Variants in KIR3DL1 observed in about 807,000 individuals in gnomAD.
KIR3DL1 encodes the protein killer cell immunoglobulin-like receptor 3DL1.
A neutral mutation model predicts 40.3 loss-of-function variants in KIR3DL1; 50 were observed. That is an observed-to-expected ratio of 1.24 (90% confidence interval 0.99 to 1.57). KIR3DL1 has a LOEUF of 1.57. Among genes scored for constraint, KIR3DL1 ranks in the 40% most tolerant of loss-of-function variants. The probability of loss-of-function intolerance (pLI) is 0.00; values close to 1 mark genes in which losing one functional copy is unlikely to be tolerated. For synonymous variants in KIR3DL1, 257 were observed against 207.2 expected (o/e 1.24, Z -2.07); for missense variants, 661 against 559.9 (o/e 1.18, Z -1.82).
At chr19:54,821,315 A>G (rs2061621243) in intron 4 of KIR3DL1, among the ~76,000 whole-genome samples, 1 of 151,128 alleles carries the variant, frequency 6.6e-6, no homozygotes, top group East Asian at 1.9e-4. Flanking sequence ...AACCAATCCA[A>G]GGAGGGTCAG....
chr19:54,821,110 T>C (rs1000267190), intron 4 of KIR3DL1, among the ~76,000 whole-genome samples: 2 of 149,900 alleles, frequency 1.3e-5, no homozygotes, highest in African/African-American at 4.9e-5. Context: ...ATGATACATA[T>C]ATAGATAATA....
rs771195198 is a variant in KIR3DL1, at chr19:54,821,700, G to C, written c.791G>C (p.Arg264Pro). Reference sequence around the variant, plus strand: ...TCCAGGGAGGGGGGAGCCCATGAACGTAGGCTCCCTGCAGTGCGCAAGGTC... The same window carrying C: ...TCCAGGGAGGGGGGAGCCCATGAACCTAGGCTCCCTGCAGTGCGCAAGGTC... The change falls in exon 5 of 9, where the codon CGT becomes CCT. Residue 264 changes from arginine to proline, a missense_variant. Physicochemically the swap from Arg to Pro is moderately radical, Grantham distance 103. This residue lies in a region of KIR3DL1 where 548 missense variants were observed against 413.3 expected (regional missense o/e 1.33). Transcript: ENST00000391728. The C allele has an allele frequency of 4.3e-6, 7 of 1,609,198 alleles. No individual in the cohort carries two copies. The highest frequency in any genetic ancestry group is 3.3e-5 in the Admixed American group (2 of 59,820).
At chr19:54,830,293 T>C (rs1291232030) in exon 9 of KIR3DL1, 1 of 1,520,928 alleles carries the variant, frequency 6.6e-7, no homozygotes, top group Non-Finnish European at 8.9e-7. Flanking sequence ...AGTCAGGCCT[T>C]GAGGACGTCT....
At chr19:54,829,870 T>G (rs5020578) in intron 7 of KIR3DL1, 58 bp from the exon 8 acceptor site, 63,754 of 1,459,804 alleles carry the variant, frequency 0.044, 10,725 homozygotes, top group East Asian at 0.13. Context: ...TATCTGCTTA[T>G]GAAATGAGGA....
rs574288157 is a variant in KIR3DL1 at position 54,819,302 on chromosome 19, C to T, written c.356-411C>T. On this transcript the variant is annotated intron_variant, in intron 3 of 8. Transcript: ENST00000391728. Reference sequence around the variant, plus strand: ...GGATAGCCAGATGTGGTGGTGGGCACGAGTAATCCAACGACTGGGGAGGCT... The same window carrying T: ...GGATAGCCAGATGTGGTGGTGGGCATGAGTAATCCAACGACTGGGGAGGCT... Among the ~76,000 whole-genome samples, 11 of 109,920 alleles carry T rather than the reference C, an allele frequency of 1.0e-4. 2 individuals carry two copies. Among genetic ancestry groups the T allele is most frequent in the East Asian group, 2.8e-4 (1 of 3,546 alleles). 72.1% of individuals were successfully genotyped at this position (109,920 alleles called of 152,430 possible).
intron 5 of KIR3DL1, among the ~76,000 whole-genome samples, chr19:54,823,389 A>G (rs2061733162): frequency 6.6e-6 from 1 of 151,274 alleles, no homozygotes; most frequent in South Asian, 2.1e-4. Context: ...TAGTTGTACT[A>G]ATTTACATTC....
At chr19:54,817,037 G>A (rs1378854108) in intron 1 of KIR3DL1, among the ~76,000 whole-genome samples, 1 of 149,178 alleles carries the variant, frequency 6.7e-6, no homozygotes, top group Non-Finnish European at 1.5e-5. Flanking sequence ...TGGGCCTGGA[G>A]TGGAGATATG....
intron 6 of KIR3DL1, among the ~76,000 whole-genome samples, chr19:54,828,444 T>C (rs62124152): frequency 0.2 from 28,352 of 141,800 alleles, 3,153 homozygotes; most frequent in South Asian, 0.35. Context: ...ATACGTTACA[T>C]AGGCAGGTTC....
At chr19:54,828,685 G>C (rs1432923316) in intron 6 of KIR3DL1, among the ~76,000 whole-genome samples, 1 of 149,512 alleles carries the variant, frequency 6.7e-6, no homozygotes, top group Admixed American at 6.7e-5. Flanking sequence ...AGACAGCCCA[G>C]GCTGTTCTGG....
At chr19:54,818,532 G>C in exon 3 of KIR3DL1, 2 of 1,611,526 alleles carry the variant, frequency 1.2e-6, no homozygotes, top group Admixed American at 1.7e-5. Flanking sequence ...ACACATGTCG[G>C]GGTTCACACC....
At chr19:54,817,568 G>A (rs1419823828) in exon 2 of KIR3DL1, 7 of 1,507,674 alleles carry the variant, frequency 4.6e-6, no homozygotes, top group Non-Finnish European at 6.3e-6. Context: ...GTCCACACAT[G>A]GGTGAGTCCT....
rs62124101 is a variant in KIR3DL1, at chr19:54,819,844, G to C, written c.487G>C (p.Asp163His). ...TCTGCACAAAGAGGGGATCTCTAAG[G>C]ACCCCTCACGCCTCGTTGGACAGAT... Residue 163 changes from aspartate (D) to histidine (H), a missense_variant, in exon 4 of 9, where the codon GAC becomes CAC. Physicochemically the swap from Asp to His is moderately conservative, Grantham distance 81 (BLOSUM62 -1). Transcript: ENST00000391728. The C allele has an allele frequency of 2.5e-6, 4 of 1,612,052 alleles. No homozygotes were observed. The African/African-American group carries it at 5.4e-5, about 22-fold the overall frequency.
At chr19:54,818,230 G>T (rs1489647472) in intron 2 of KIR3DL1, 85 bp from the exon 3 acceptor site, 2 of 1,465,912 alleles carry the variant, frequency 1.4e-6, no homozygotes, top group African/African-American at 1.5e-5. Flanking sequence ...CTTAGAAAGT[G>T]GAAATGGGGA....
chr19:54,824,825 G>A (rs1401724403), intron 5 of KIR3DL1, among the ~76,000 whole-genome samples: 4 of 150,180 alleles, frequency 2.7e-5, no homozygotes, highest in African/African-American at 9.9e-5. Context: ...GTCAGGTAGT[G>A]TGATGCTCCT....
chr19:54,829,572 A>G (rs45580236), intron 7 of KIR3DL1, 107 bp downstream of exon 7: 176,672 of 952,730 alleles, frequency 0.19, 26,281 homozygotes, highest in Non-Finnish European at 0.19. Flanking sequence ...CTGGCCCAAG[A>G]CAGGAGCCAC....
exon 2 of KIR3DL1, chr19:54,817,566 A>G (rs1142882): frequency 0.13 from 152,616 of 1,136,058 alleles, 37,907 homozygotes; most frequent in East Asian, 0.55. Context: ...CGGTCCACAC[A>G]TGGGTGAGTC....
At chr19:54,830,464 C>G (rs1337073371) in exon 9 of KIR3DL1, 2 of 735,158 alleles carry the variant, frequency 2.7e-6, no homozygotes, top group East Asian at 2.8e-5. Context: ...TCCCCACTGC[C>G]TGCTGGAAAG....
At chr19:54,830,434 C>T in exon 9 of KIR3DL1, 4 of 928,320 alleles carry the variant, frequency 4.3e-6, no homozygotes, top group Non-Finnish European at 4.9e-6. Flanking sequence ...GTGCCTCTCT[C>T]TTGCTTACAA....
Position 54,816,555 on chromosome 19 carries a change from G to A in KIR3DL1, c.34+21G>A, listed in dbSNP as rs113781743. The A allele has an allele frequency of 2.4e-3, 3,907 of 1,608,016 alleles. 154 individuals carry two copies. In the African/African-American group the frequency reaches 0.047, roughly 19 times the overall value. On this transcript the variant is annotated intron_variant, in intron 1 of 8. Coordinates refer to ENST00000391728, the Ensembl canonical transcript of KIR3DL1. ...TGTTGGTGAGTCCTGGAAGGGAATC[G>A]AGGGAGGGAGTGCGGGGATGGAGAT...
Sources: gnomAD v4.1 joint callset for allele counts (sites outside exome capture counted in the v4.1 genomes callset) on GRCh38, gnomAD v4.1.1 for gene constraint, gnomAD v4.1.1 regional missense constraint, MANE v1.5 for transcripts, NCBI Gene and HGNC (gene_info 2026-07-23, HGNC 2026-07-21) for gene names.